C8orf34: variants seen among roughly 807,000 people sequenced by gnomAD.
C8orf34 encodes the protein uncharacterized protein C8orf34.
Under a neutral mutation model 68.3 loss-of-function variants are expected in C8orf34, and 65 were observed. That is an observed-to-expected ratio of 0.95 (90% CI 0.78 to 1.17). The LOEUF is 1.17. Among genes scored for constraint, C8orf34 ranks in the 50% most tolerant of loss-of-function variants. C8orf34 has a pLI of 0.00. For synonymous variants in C8orf34, 244 were observed against 241.2 expected, an observed-to-expected ratio of 1.01 and a Z score of -0.11; for missense variants, 664 against 655.4, an observed-to-expected ratio of 1.01 and a Z score of -0.14.
intron 1 of C8orf34, among the ~76,000 whole-genome samples, chr8:68,407,761 T>C (rs1809262783): frequency 6.6e-6 from 1 of 152,224 alleles, no homozygotes; most frequent in African/African-American, 2.4e-5. Flanking sequence ...TTTTTTGTTA[T>C]TTTCATTTGT....
intron 2 of C8orf34, among the ~76,000 whole-genome samples, chr8:68,441,328 A>T (rs930948110): frequency 2.0e-5 from 3 of 151,930 alleles, no homozygotes; most frequent in Non-Finnish European, 4.4e-5. Context: ...TGAGGTCCCT[A>T]TTTTCTGACT....
At chr8:68,543,258 A>C (rs1815758997) in intron 7 of C8orf34, among the ~76,000 whole-genome samples, 1 of 152,154 alleles carries the variant, frequency 6.6e-6, no homozygotes, top group Non-Finnish European at 1.5e-5. Flanking sequence ...AATATAGGCT[A>C]ATTTCAGGGC....
intron 1 of C8orf34, among the ~76,000 whole-genome samples, chr8:68,341,683 C>T (rs1046171842): frequency 9.9e-5 from 15 of 152,076 alleles, no homozygotes; most frequent in African/African-American, 3.6e-4. Context: ...TACTCCTGTG[C>T]CCCTCTGCCC....
chr8:68,351,085 A>G (rs72663001), intron 1 of C8orf34, among the ~76,000 whole-genome samples: 1 of 151,982 alleles, frequency 6.6e-6, no homozygotes, highest in Admixed American at 6.6e-5. Flanking sequence ...ATGTTTTTAT[A>G]TTAGCTGGTA....
intron 8 of C8orf34, among the ~76,000 whole-genome samples, chr8:68,679,700 T>C (rs1438064644): frequency 6.6e-6 from 1 of 151,956 alleles, no homozygotes; most frequent in Non-Finnish European, 1.5e-5. Flanking sequence ...CTATAATAAA[T>C]AAAACAACAT....
intron 1 of C8orf34, among the ~76,000 whole-genome samples, chr8:68,400,617 A>G (rs1392135154): frequency 6.6e-6 from 1 of 151,966 alleles, no homozygotes; most frequent in African/African-American, 2.4e-5. Context: ...CTAGGGTGCA[A>G]TGGTGCGATC....
At chr8:68,685,191 C>A (rs1043753166) in intron 8 of C8orf34, among the ~76,000 whole-genome samples, 2 of 152,092 alleles carry the variant, frequency 1.3e-5, no homozygotes, top group Non-Finnish European at 2.9e-5. Context: ...CTTTCTCTAT[C>A]ATTTATTACT....
intron 1 of C8orf34, among the ~76,000 whole-genome samples, chr8:68,376,670 T>G (rs574710785): frequency 1.3e-5 from 2 of 152,026 alleles, no homozygotes; most frequent in Admixed American, 1.3e-4. Flanking sequence ...CAACTATATT[T>G]AAACTTAATA....
At chr8:68,696,123 G>A (rs925701363) in intron 8 of C8orf34, among the ~76,000 whole-genome samples, 4 of 151,166 alleles carry the variant, frequency 2.6e-5, no homozygotes, top group East Asian at 2.0e-4. Flanking sequence ...CGGTGATTGC[G>A]CAACTATACT....
chr8:68,721,519 T>G, intron 10 of C8orf34, 82 bp downstream of exon 10: 4 of 925,070 alleles, frequency 4.3e-6, no homozygotes, highest in South Asian at 1.5e-5. Context: ...TAAAATATAA[T>G]AAAGCCAGCT....
chr8:68,630,005 A>G (rs960361034), intron 7 of C8orf34, among the ~76,000 whole-genome samples: 10 of 152,118 alleles, frequency 6.6e-5, no homozygotes, highest in African/African-American at 1.9e-4. Flanking sequence ...TTATTCTTAA[A>G]TATTGTCAAT....
At chr8:68,420,580 G>A (rs1809922955) in intron 1 of C8orf34, among the ~76,000 whole-genome samples, 1 of 151,824 alleles carries the variant, frequency 6.6e-6, no homozygotes, top group Non-Finnish European at 1.5e-5. Flanking sequence ...ATCAAGAGAA[G>A]CCAGTAGAAA....
chr8:68,365,053 A>G (rs1318930395), intron 1 of C8orf34, among the ~76,000 whole-genome samples: 1 of 150,960 alleles, frequency 6.6e-6, no homozygotes, highest in Non-Finnish European at 1.5e-5. Flanking sequence ...ATAAAAAATG[A>G]TAAAGGGAAT....
intron 10 of C8orf34, among the ~76,000 whole-genome samples, chr8:68,732,740 G>A (rs918166686): frequency 1.3e-4 from 19 of 151,938 alleles, no homozygotes; most frequent in African/African-American, 4.6e-4. Context: ...GTTTATTTTG[G>A]TGGTTATTGT....
intron 5 of C8orf34, among the ~76,000 whole-genome samples, chr8:68,508,543 C>T (rs1814122160): frequency 6.6e-6 from 1 of 152,158 alleles, no homozygotes; most frequent in Admixed American, 6.5e-5. Context: ...ATTTCTCCTA[C>T]TTTCCTGGGG....
At chr8:68,397,573 A>G (rs559604582) in intron 1 of C8orf34, among the ~76,000 whole-genome samples, 1 of 152,280 alleles carries the variant, frequency 6.6e-6, no homozygotes, top group South Asian at 2.1e-4. Flanking sequence ...TAATTTATTC[A>G]GCCAAAATAT....
intron 6 of C8orf34, among the ~76,000 whole-genome samples, chr8:68,527,796 T>C (rs1403766866): frequency 6.6e-6 from 1 of 152,170 alleles, no homozygotes; most frequent in African/African-American, 2.4e-5. Flanking sequence ...GAACCCTAAG[T>C]GCTCTTAGAA....
chr8:68,395,668 GA>G (rs558320365), intron 1 of C8orf34, among the ~76,000 whole-genome samples: 2 of 152,214 alleles, frequency 1.3e-5, no homozygotes, highest in East Asian at 3.9e-4. Context: ...TGTGGTTTAG[GA>G]GTTCATAGTC....
intron 10 of C8orf34, among the ~76,000 whole-genome samples, chr8:68,744,881 G>C (rs192192758): frequency 1.3e-3 from 198 of 152,186 alleles, no homozygotes; most frequent in African/African-American, 4.1e-3. Context: ...GAAATACTGA[G>C]AACTCCACAA....
Sources: gnomAD v4.1 joint callset for allele counts (sites outside exome capture counted in the v4.1 genomes callset) on GRCh38, gnomAD v4.1.1 for gene constraint, MANE v1.5 for transcripts, NCBI Gene and HGNC (gene_info 2026-07-23, HGNC 2026-07-21) for gene names.